Variants in TMED10 observed in about 807,000 individuals in gnomAD.
TMED10 encodes the protein transmembrane p24 trafficking protein 10.
TMED10 carries 7 observed loss-of-function variants against 23.1 expected under a neutral mutation model. That is an observed-to-expected ratio of 0.30 (90% CI 0.17 to 0.57). The LOEUF (loss-of-function observed/expected upper bound fraction) is 0.57. Among genes scored for constraint, TMED10 ranks in the 20% least tolerant of loss-of-function variants. The pLI is 0.91. For synonymous variants in TMED10, 113 were observed against 106.9 expected (o/e 1.06, Z -0.35); for missense variants, 162 against 274.8 (o/e 0.59, Z 2.90).
At position 75,176,529 on chromosome 14, in the gene TMED10, C is replaced by G; in HGVS notation, c.51G>C (p.Ala17=). 1 of 1,614,174 alleles carries G rather than the reference C, an allele frequency of 6.2e-7. No homozygotes were observed. Among genetic ancestry groups the G allele is most frequent in the East Asian group, 2.2e-5 (1 of 44,878 alleles). Residue 17 remains alanine (A), a synonymous_variant, in exon 1 of 5, where the codon GCG becomes GCC. Coordinates refer to ENST00000303575, the MANE Select transcript of TMED10 (RefSeq NM_006827.6). ...PPARRGPFPL[A]LLLLFLLGPR... ...GGCCGAGCAGGAACAAAAGCAGCAA[C>G]GCTAACGGAAAAGGGCCGCGCCGGG...
chr14:75,156,757 C>T (rs1418151927), intron 1 of TMED10, among the ~76,000 whole-genome samples: 4 of 151,802 alleles, frequency 2.6e-5, no homozygotes, highest in Non-Finnish European at 5.9e-5. Context: ...CATCCTACCC[C>T]GTCTCTACTA....
chr14:75,172,691 G>T (rs1896249478), intron 1 of TMED10, among the ~76,000 whole-genome samples: 1 of 152,158 alleles, frequency 6.6e-6, no homozygotes, highest in East Asian at 1.9e-4. Flanking sequence ...AAGTAGGCAG[G>T]AATGAAATAC....
chr14:75,168,597 T>C (rs981497241), intron 1 of TMED10, among the ~76,000 whole-genome samples: 1 of 152,120 alleles, frequency 6.6e-6, no homozygotes, highest in Non-Finnish European at 1.5e-5. Flanking sequence ...GCTCTACGAT[T>C]CCCATATTAC....
intron 3 of TMED10, among the ~76,000 whole-genome samples, chr14:75,142,538 ACT>A (rs1306619951): frequency 1.3e-5 from 2 of 152,112 alleles, no homozygotes; most frequent in African/African-American, 2.4e-5. Flanking sequence ...TCTTGTCCAC[ACT>A]GTCTTCCCTG....
chr14:75,136,165 T>C (rs1895747200), intron 3 of TMED10, among the ~76,000 whole-genome samples: 1 of 152,186 alleles, frequency 6.6e-6, no homozygotes, highest in African/African-American at 2.4e-5. Flanking sequence ...CAAGATTTTT[T>C]ACTTTTTTTT....
chr14:75,147,782 TC>T (rs1360176878), intron 2 of TMED10, 45 bp from the exon 3 acceptor site: 3 of 1,606,782 alleles, frequency 1.9e-6, no homozygotes, highest in Non-Finnish European at 1.7e-6. Context: ...TACTTAAAAT[TC>T]TGGGAAATTA....
chr14:75,162,524 G>A (rs1428289348), intron 1 of TMED10, among the ~76,000 whole-genome samples: 5 of 152,116 alleles, frequency 3.3e-5, no homozygotes, highest in Admixed American at 1.3e-4. Flanking sequence ...GTAGGCACCC[G>A]TAAGGAGTGT....
chr14:75,154,474 G>A (rs1173186212), intron 1 of TMED10, among the ~76,000 whole-genome samples: 15 of 94,842 alleles, frequency 1.6e-4, no homozygotes, highest in Non-Finnish European at 1.1e-4. Flanking sequence ...TAATAATAAA[G>A]TTATTTTATT....
At chr14:75,139,800 TAAAG>T (rs1330289696) in intron 3 of TMED10, among the ~76,000 whole-genome samples, 3 of 152,106 alleles carry the variant, frequency 2.0e-5, no homozygotes, top group Non-Finnish European at 2.9e-5. Context: ...CTAGAAATCT[TAAAG>T]AAATCTCAAG....
chr14:75,147,687 C>T lies in TMED10; in HGVS notation c.388G>A (p.Val130Met). The part of the protein sequence containing the change: ...QLVILDMKHG[V>M]EAKNYEEIAK... ...ACCTCTTCGTAATTTTTCGCCTCCA[C>T]TCCATGCTTCATGTCTAGGATCACG... The change falls in exon 3 of 5, where the codon GTG becomes ATG. Residue 130 changes from valine to methionine, a missense_variant. By Grantham distance (21) the Val-to-Met change is conservative. Around this residue, in one of 2 missense-constraint regions of TMED10, gnomAD observed 126 missense variants for 239.5 expected, o/e 0.53. Coordinates refer to ENST00000303575, the MANE Select transcript of TMED10 (RefSeq NM_006827.6). 1 of 1,614,178 alleles carries T rather than the reference C, an allele frequency of 6.2e-7. No homozygotes were observed. Among genetic ancestry groups the T allele is most frequent in the South Asian group, 1.1e-5 (1 of 91,082 alleles).
At chr14:75,135,607 ATT>A in intron 4 of TMED10, 151 bp downstream of exon 4, 1 of 1,061,282 alleles carries the variant, frequency 9.4e-7, no homozygotes, top group Non-Finnish European at 1.3e-6. Context: ...AACAAGGCTC[ATT>A]TACCTTTAGC....
At chr14:75,135,409 C>T (rs527515880) in intron 4 of TMED10, among the ~76,000 whole-genome samples, 2 of 152,308 alleles carry the variant, frequency 1.3e-5, no homozygotes, top group Non-Finnish European at 2.9e-5. Flanking sequence ...CACCGTACTC[C>T]AGCCTGAGCG....
At chr14:75,136,548 T>C (rs1895752111) in intron 3 of TMED10, among the ~76,000 whole-genome samples, 1 of 152,184 alleles carries the variant, frequency 6.6e-6, no homozygotes, top group Non-Finnish European at 1.5e-5. Context: ...GTGGGAGTCA[T>C]ATTAAGTCAA....
At chr14:75,140,257 C>T (rs1027073937) in intron 3 of TMED10, among the ~76,000 whole-genome samples, 3 of 152,058 alleles carry the variant, frequency 2.0e-5, no homozygotes, top group Non-Finnish European at 4.4e-5. Flanking sequence ...CGTGCCACCA[C>T]GCCCAGCTAA....
At chr14:75,168,984 A>G (rs976382455) in intron 1 of TMED10, among the ~76,000 whole-genome samples, 18 of 152,206 alleles carry the variant, frequency 1.2e-4, no homozygotes, top group African/African-American at 4.3e-4. Context: ...TGATCCAGGT[A>G]AAGAGAACAT....
chr14:75,149,964 G>A (rs114772278), intron 2 of TMED10, among the ~76,000 whole-genome samples: 3,301 of 152,188 alleles, frequency 0.022, 127 homozygotes, highest in African/African-American at 0.076. Flanking sequence ...TTAGCCAGGC[G>A]CAGTGGTGCG....
intron 1 of TMED10, among the ~76,000 whole-genome samples, chr14:75,159,037 G>A (rs987531471): frequency 6.6e-6 from 1 of 152,128 alleles, no homozygotes; most frequent in African/African-American, 2.4e-5. Flanking sequence ...TCAGTGTGAT[G>A]CCTCTCTTCC....
At chr14:75,135,604 C>G (rs765055056) in intron 4 of TMED10, 156 bp downstream of exon 4, 2 of 1,012,270 alleles carry the variant, frequency 2.0e-6, no homozygotes, top group Non-Finnish European at 2.8e-6. Context: ...TCTAACAAGG[C>G]TCATTTACCT....
At position 75,152,093 on chromosome 14, in the gene TMED10, C is replaced by T; in HGVS notation, c.276G>A (p.Lys92=). Residue 92 remains lysine (K), a synonymous_variant, in exon 2 of 5, where the codon AAG becomes AAA. Transcript: ENST00000303575. ...CTTCAGTGGTAAAGGCAAATTTCCC[C>T]TTGGTTGCATCCTCTTTGGAGTAGA... The part of the protein sequence containing the change: ...HILYSKEDAT[K]GKFAFTTEDY... The T allele has an allele frequency of 1.9e-6, 3 of 1,613,964 alleles. No individual in the cohort carries two copies. In the African/African-American group the frequency reaches 4.0e-5, roughly 22 times the overall value.
Sources: gnomAD v4.1 joint callset for allele counts (sites outside exome capture counted in the v4.1 genomes callset) on GRCh38, gnomAD v4.1.1 for gene constraint, gnomAD v4.1.1 regional missense constraint, MANE v1.5 for transcripts, NCBI Gene and HGNC (gene_info 2026-07-23, HGNC 2026-07-21) for gene names.